NRXN3: variants seen among roughly 807,000 people sequenced by gnomAD.
NRXN3 encodes neurexin 3, also known as neurexin III.
NRXN3 carries 32 observed loss-of-function variants against 137.6 expected under a neutral mutation model. That is an observed-to-expected ratio of 0.23 (90% CI 0.18 to 0.31). NRXN3 has a LOEUF of 0.31. Among genes scored for constraint, NRXN3 ranks in the 10% least tolerant of loss-of-function variants. The pLI, the probability that NRXN3 is intolerant of heterozygous loss-of-function variation, is 1.00. For missense variants in NRXN3, 1,574 were observed against 2,062.5 expected (o/e 0.76, Z 4.59); for synonymous variants, 798 against 784.5 (o/e 1.02, Z -0.29).
chr14:79,300,002 G>A (rs910284586), intron 15 of NRXN3, among the ~76,000 whole-genome samples: 3 of 152,014 alleles, frequency 2.0e-5, no homozygotes, highest in African/African-American at 4.8e-5. Context: ...AAGTTCCTGC[G>A]TTGGAAAATC....
intron 7 of NRXN3, among the ~76,000 whole-genome samples, chr14:78,712,626 G>A (rs1051157108): frequency 3.3e-5 from 5 of 152,180 alleles, no homozygotes; most frequent in East Asian, 3.8e-4. Flanking sequence ...GCAGTGGCAC[G>A]ATCTCAGCTC....
At chr14:79,385,204 T>TCCCCCCCCCCCCCCCCCC (rs557799323) in intron 15 of NRXN3, among the ~76,000 whole-genome samples, 1 of 90,504 alleles carries the variant, frequency 1.1e-5, no homozygotes, top group African/African-American at 3.5e-5. Flanking sequence ...ATGCTATCCT[T>TCCCCCCCCCCCCCCCCCC]CCCCCCGCCC....
intron 15 of NRXN3, among the ~76,000 whole-genome samples, chr14:79,355,119 A>G (rs2093371251): frequency 6.6e-6 from 1 of 152,208 alleles, no homozygotes; most frequent in African/African-American, 2.4e-5. Flanking sequence ...AAAGGAAAAT[A>G]TTAATCTAGA....
chr14:79,526,361 TA>T (rs1214413610), intron 16 of NRXN3, among the ~76,000 whole-genome samples: 1 of 152,096 alleles, frequency 6.6e-6, no homozygotes, highest in Non-Finnish European at 1.5e-5. Context: ...CCACCTAATT[TA>T]AAAAAATTTT....
chr14:78,978,256 T>G (rs534376518), intron 14 of NRXN3, among the ~76,000 whole-genome samples: 1 of 152,206 alleles, frequency 6.6e-6, no homozygotes, highest in East Asian at 1.9e-4. Context: ...GGTCCTGACT[T>G]CAAGACAAAA....
intron 15 of NRXN3, among the ~76,000 whole-genome samples, chr14:79,274,448 A>G (rs1188644562): frequency 2.0e-5 from 3 of 152,200 alleles, no homozygotes; most frequent in Non-Finnish European, 2.9e-5. Flanking sequence ...TTGATTCCCT[A>G]AAACCGGACA....
At chr14:78,307,108 A>G in intron 4 of NRXN3, among the ~76,000 whole-genome samples, 1 of 152,116 alleles carries the variant, frequency 6.6e-6, no homozygotes, top group Non-Finnish European at 1.5e-5. Context: ...CACATAGGGA[A>G]TTTTTTATTT....
chr14:78,831,177 A>C lies in NRXN3; in HGVS notation c.2275+20833A>C, dbSNP rs372803210. Among the ~76,000 whole-genome samples, 12 of 152,284 alleles carry C rather than the reference A, an allele frequency of 7.9e-5. No homozygotes were observed. The South Asian group carries it at 2.1e-3, about 26-fold the overall frequency. Reference sequence around the variant, plus strand: ...TCACGTAACTTACTCTTGTAGCCTAAGCTGGTGATAAGGCTTGGACTTTTA... The same window carrying C: ...TCACGTAACTTACTCTTGTAGCCTACGCTGGTGATAAGGCTTGGACTTTTA... On this transcript the variant is annotated intron_variant, in intron 10 of 20. Transcript: ENST00000335750.
rs141293994 is a variant in NRXN3 at position 79,717,076 on chromosome 14, T to C, written c.4014+19139T>C. Among the ~76,000 whole-genome samples, 584 of 152,310 alleles carry C rather than the reference T, an allele frequency of 3.8e-3. 3 individuals carry two copies. The highest frequency in any genetic ancestry group is 0.013 in the African/African-American group (555 of 41,578). ...CTTTTTCCTTTTTAGCAGGTTCTCC[T>C]GGGTGTGGAGAGATGGCTTCTTTCC... is the stretch of plus-strand genomic sequence containing the variant. On this transcript the variant is annotated intron_variant, in intron 19 of 20. Coordinates refer to ENST00000335750, the MANE Select transcript of NRXN3 (RefSeq NM_001330195.2).
chr14:78,714,658 T>C (rs1181188830), intron 7 of NRXN3, 98 bp from the exon 8 acceptor site: 3 of 1,337,890 alleles, frequency 2.2e-6, no homozygotes, highest in Non-Finnish European at 2.1e-6. Context: ...TGTTCTCTCC[T>C]GGCCAGCCAA....
intron 4 of NRXN3, among the ~76,000 whole-genome samples, chr14:78,493,377 G>A (rs1183575402): frequency 2.0e-5 from 3 of 150,358 alleles, no homozygotes; most frequent in African/African-American, 7.3e-5. Context: ...AAAAAAATTA[G>A]CCAGGCATGG....
intron 4 of NRXN3, among the ~76,000 whole-genome samples, chr14:78,408,895 G>T (rs2092663277): frequency 6.6e-6 from 1 of 152,226 alleles, no homozygotes; most frequent in South Asian, 2.1e-4. Context: ...TCCTGGAATA[G>T]CTTCTACCTG....
chr14:79,134,210 C>G (rs554667617), intron 15 of NRXN3, among the ~76,000 whole-genome samples: 20 of 152,264 alleles, frequency 1.3e-4, no homozygotes, highest in African/African-American at 4.1e-4. Flanking sequence ...AGGACAGCCA[C>G]CTATTCTCAG....
chr14:79,358,621 G>GAAAGAAAGA (rs2093552686), intron 15 of NRXN3, among the ~76,000 whole-genome samples: 2 of 138,638 alleles, frequency 1.4e-5, no homozygotes, highest in African/African-American at 5.3e-5. Flanking sequence ...AAGAAAGAAA[G>GAAAGAAAGA]AAAGAAAGAA....
At chr14:79,744,421 C>CT (rs2098972730) in intron 19 of NRXN3, among the ~76,000 whole-genome samples, 1 of 151,984 alleles carries the variant, frequency 6.6e-6, no homozygotes, top group Admixed American at 6.6e-5. Flanking sequence ...TTTCCTACCC[C>CT]CCAAAAATGA....
At chr14:78,412,232 A>G (rs73327195) in intron 4 of NRXN3, among the ~76,000 whole-genome samples, 3,741 of 152,296 alleles carry the variant, frequency 0.025, 130 homozygotes, top group African/African-American at 0.081. Context: ...GAGCCCAATA[A>G]GGTCTGTGAC....
chr14:78,212,148 A>T (rs533804953), intron 1 of NRXN3, among the ~76,000 whole-genome samples: 8 of 152,320 alleles, frequency 5.3e-5, no homozygotes, highest in African/African-American at 1.9e-4. Flanking sequence ...CAGAGCTGAG[A>T]GAGAGAGATG....
chr14:78,250,568 T>G (rs1298850090), intron 2 of NRXN3, among the ~76,000 whole-genome samples: 1 of 152,234 alleles, frequency 6.6e-6, no homozygotes, highest in Non-Finnish European at 1.5e-5. Flanking sequence ...TGGTTATGAC[T>G]GCGGGATGGG....
chr14:79,260,226 C>A (rs1369146477), intron 15 of NRXN3, among the ~76,000 whole-genome samples: 1 of 152,066 alleles, frequency 6.6e-6, no homozygotes, highest in Admixed American at 6.6e-5. Flanking sequence ...ATATCCATAT[C>A]TATAAATTAT....
Sources: gnomAD v4.1 joint callset for allele counts (sites outside exome capture counted in the v4.1 genomes callset) on GRCh38, gnomAD v4.1.1 for gene constraint, MANE v1.5 for transcripts, NCBI Gene and HGNC (gene_info 2026-07-23, HGNC 2026-07-21) for gene names.